Variants in KDM1B observed in about 807,000 individuals in gnomAD.
KDM1B encodes the protein lysine demethylase 1B.
A neutral mutation model predicts 107.4 loss-of-function variants in KDM1B; 63 were observed. The ratio of observed to expected loss-of-function variants is 0.59; its 90% CI spans 0.48 to 0.72. The LOEUF is 0.72. Ranked by LOEUF, KDM1B falls within the 30% of genes least tolerant of loss-of-function variation. The pLI is 0.00. For missense variants in KDM1B, 749 were observed against 1,020.8 expected, an observed-to-expected ratio of 0.73 and a Z score of 3.63; for synonymous variants, 363 against 363.9, an observed-to-expected ratio of 1.00 and a Z score of 0.03.
chr6:18,221,903 T>C lies in KDM1B; in HGVS notation c.2386-6T>C, dbSNP rs754609508. ...TGATCTCAAATTATGTAATTATGTT[T>C]TACAGGCAACAAACAGGCATTTCCC... On this transcript the variant is annotated splice_region_variant and splice_polypyrimidine_tract_variant and intron_variant, in intron 21 of 21. Coordinates refer to ENST00000650836, the MANE Select transcript of KDM1B (RefSeq NM_001364614.2). The C allele has an allele frequency of 5.6e-6, 9 of 1,594,954 alleles. No homozygotes were observed. In the East Asian group the frequency reaches 2.0e-4, roughly 36 times the overall value.
intron 9 of KDM1B, among the ~76,000 whole-genome samples, chr6:18,189,863 A>G (rs1787155732): frequency 6.6e-6 from 1 of 152,152 alleles, no homozygotes; most frequent in Non-Finnish European, 1.5e-5. Context: ...GAGTTATTTT[A>G]GGCCGGGCAC....
intron 7 of KDM1B, among the ~76,000 whole-genome samples, chr6:18,181,360 A>G (rs960598138): frequency 1.3e-5 from 2 of 152,252 alleles, no homozygotes; most frequent in African/African-American, 4.8e-5. Context: ...AATTTAAAAT[A>G]AGAAAAGGAA....
Position 18,223,036 on chromosome 6 carries a change from A to AAAAC in KDM1B, c.*1046_*1049dup, listed in dbSNP as rs943977931. 1 of 152,560 alleles carries AAAAC rather than the reference A, an allele frequency of 6.6e-6. No homozygotes were observed. The highest frequency in any genetic ancestry group is 2.4e-5 in the African/African-American group (1 of 41,426). 9.5% of individuals were successfully genotyped at this position (152,560 alleles called of 1,614,324 possible). On this transcript the variant is annotated 3_prime_UTR_variant, in exon 22 of 22. Transcript: ENST00000650836. Reference sequence around the variant, plus strand: ...AGTATTTACTTTTATCTTTTTTTTAAAAACACTCATGACAGAAAACAGTTT... The same window carrying AAAAC: ...AGTATTTACTTTTATCTTTTTTTTAAAAACAAACACTCATGACAGAAAACAGTTT...
chr6:18,205,898 A>G lies in KDM1B; in HGVS notation c.1659+234A>G, dbSNP rs977648744. ...TCCCAGCTACTCGGGAGGCTGAGGC[A>G]GGGGAATCGCTTGAACCTGGGAGGC... is the stretch of plus-strand genomic sequence containing the variant. On this transcript the variant is annotated intron_variant, in intron 15 of 21. Transcript: ENST00000650836. This position sits in a 1 kb window ranked among gnomAD's most constrained non-coding sequence, Gnocchi z 5.7. Among the ~76,000 whole-genome samples the G allele has an allele frequency of 2.0e-5, 3 of 152,010 alleles. No homozygotes were observed. Among genetic ancestry groups the G allele is most frequent in the Non-Finnish European group, 2.9e-5 (2 of 67,986 alleles).
chr6:18,185,627 A>G (rs609363), intron 7 of KDM1B, 145 bp from the exon 8 acceptor site: 60,687 of 745,840 alleles, frequency 0.081, 3,069 homozygotes, highest in South Asian at 0.2. Flanking sequence ...AGGCCTCCAG[A>G]CACTCTGATT....
chr6:18,171,558 G>T lies in KDM1B; in HGVS notation c.534+79G>T, dbSNP rs1454677249. On this transcript the variant is annotated intron_variant, in intron 7 of 21. Coordinates refer to ENST00000650836, the MANE Select transcript of KDM1B (RefSeq NM_001364614.2). ...TAGTAATGGTGTATATGTTTTTCAT[G>T]TATTGTGTTGATCATTCTGTCAAGG... 7.4e-6 allele frequency: 6 copies of T among 805,574 alleles called. No individual in the cohort carries two copies. The Admixed American group carries it at 1.1e-4, about 15-fold the overall frequency. The allele number at this position is 805,574 out of a possible 1,614,324, so 49.9% of individuals were successfully genotyped here.
chr6:18,161,573 C>T, intron 4 of KDM1B, 119 bp downstream of exon 4: 1 of 1,080,880 alleles, frequency 9.3e-7, no homozygotes, highest in Non-Finnish European at 1.3e-6. Context: ...GTCATCTAAT[C>T]TAATAATAGA....
chr6:18,181,970 C>G (rs74918432), intron 7 of KDM1B, among the ~76,000 whole-genome samples: 4 of 152,054 alleles, frequency 2.6e-5, no homozygotes, highest in African/African-American at 9.7e-5. Context: ...TGTATTCCCT[C>G]CATTGTTTAC....
Position 18,217,415 on chromosome 6 carries a change from G to T in KDM1B, c.2233-318G>T, listed in dbSNP as rs956564700. Among the ~76,000 whole-genome samples the T allele has an allele frequency of 3.6e-5, 5 of 137,904 alleles. No individual in the cohort carries two copies. The East Asian group carries it at 1.0e-3, about 29-fold the overall frequency. 90.5% of individuals were successfully genotyped at this position (137,904 alleles called of 152,430 possible). A position where few individuals can be genotyped will look rare whatever the true frequency, so the allele number is the denominator to read the frequency against. On this transcript the variant is annotated intron_variant, in intron 20 of 21. Transcript: ENST00000650836. ...TTTTTTTGAGATGGAGTCTGGCTCT[G>T]TTGCCCAGGCTGGAGTGCAGTGGCG...
At chr6:18,207,354 C>A (rs961635857) in intron 15 of KDM1B, 44 bp from the exon 16 acceptor site, 1 of 1,601,504 alleles carries the variant, frequency 6.2e-7, no homozygotes, top group Non-Finnish European at 8.5e-7. Flanking sequence ...GGCACAGGCA[C>A]AAGGATTTAC....
chr6:18,166,374 A>G lies in KDM1B; in HGVS notation c.413A>G (p.Tyr138Cys), dbSNP rs1326960062. Residue 138 changes from tyrosine to cysteine, a missense_variant, in exon 6 of 22, where the codon TAC becomes TGC. By Grantham distance (194) the Tyr-to-Cys change is radical. Transcript: ENST00000650836. ...TTCATGGCAGACCAGCAACTCCCCTACTGGGTAAGGAGAGTGATGCTCTCT... is the reference window on the plus strand; with the variant it reads ...TTCATGGCAGACCAGCAACTCCCCTGCTGGGTAAGGAGAGTGATGCTCTCT... ...KAFMADQQLP[Y>C]WVQCTKPECR... 3.2e-6 allele frequency: 5 copies of G among 1,584,958 alleles called. No individual in the cohort carries two copies. The highest frequency in any genetic ancestry group is 4.3e-6 in the Non-Finnish European group (5 of 1,153,388).
rs764376109 is a variant in KDM1B at position 18,203,933 on chromosome 6, G to A, written c.1532-1604G>A. Among the ~76,000 whole-genome samples, 2 of 151,214 alleles carry A rather than the reference G, an allele frequency of 1.3e-5. No individual in the cohort carries two copies. Among genetic ancestry groups the A allele is most frequent in the East Asian group, 1.9e-4 (1 of 5,160 alleles). On this transcript the variant is annotated intron_variant, in intron 14 of 21. Transcript: ENST00000650836. This position sits in a 1 kb window ranked among gnomAD's most constrained non-coding sequence, Gnocchi z 5.5. ...CTTAGCAATCTTGGTTTTTCTCCCC[G>A]CCGCCTCCACAAAACCAACAGGAAT...
At position 18,197,925 on chromosome 6, in the gene KDM1B, CTT is replaced by C. The variant is rs1039217550; in HGVS notation, c.1221+281_1221+282del. Among the ~76,000 whole-genome samples the C allele has an allele frequency of 1.7e-4, 22 of 129,938 alleles. No homozygotes were observed. Among genetic ancestry groups the C allele is most frequent in the Admixed American group, 1.6e-4 (2 of 12,688 alleles). The allele number at this position is 129,938 out of a possible 152,430, so 85.2% of individuals were successfully genotyped here. ...CTAACTTGGCATTAAAGTAGAAATTCTTTTTTTTTTTTTTTTTTGAGACAGAG... is the reference window on the plus strand; with the variant it reads ...CTAACTTGGCATTAAAGTAGAAATTCTTTTTTTTTTTTTTTTGAGACAGAG... On this transcript the variant is annotated intron_variant, in intron 12 of 21. Transcript: ENST00000650836. This position sits in a 1 kb window ranked among gnomAD's most constrained non-coding sequence, Gnocchi z 4.5.
chr6:18,217,991 G>C, intron 21 of KDM1B, 106 bp downstream of exon 21: 1 of 1,232,446 alleles, frequency 8.1e-7, no homozygotes, highest in Non-Finnish European at 1.1e-6. Context: ...ACTGTCAAAA[G>C]TCTTATGACC....
At chr6:18,169,662 G>GT (rs1211812708) in intron 6 of KDM1B, among the ~76,000 whole-genome samples, 1 of 151,994 alleles carries the variant, frequency 6.6e-6, no homozygotes, top group Non-Finnish European at 1.5e-5. Flanking sequence ...CAATTTATCT[G>GT]TTTTTTTCTT....
chr6:18,193,875 T>A (rs1787462154), intron 10 of KDM1B, among the ~76,000 whole-genome samples: 2 of 150,046 alleles, frequency 1.3e-5, no homozygotes, highest in African/African-American at 4.9e-5. Context: ...AAAGACAGTG[T>A]CTTTTTTTTT....
intron 2 of KDM1B, among the ~76,000 whole-genome samples, chr6:18,158,323 CAAAAAA>C (rs56971577): frequency 2.0e-5 from 2 of 99,448 alleles, no homozygotes; most frequent in African/African-American, 7.8e-5. Flanking sequence ...GACTCCTTCA[CAAAAAA>C]AAAAAAAAAA....
intron 21 of KDM1B, among the ~76,000 whole-genome samples, chr6:18,220,600 GC>G (rs1238727327): frequency 6.6e-6 from 1 of 152,064 alleles, no homozygotes; most frequent in African/African-American, 2.4e-5. Context: ...TTACTCCTTG[GC>G]CTATGAAGAC....
chr6:18,163,873 T>C (rs1473110791), intron 5 of KDM1B, among the ~76,000 whole-genome samples: 1 of 152,124 alleles, frequency 6.6e-6, no homozygotes, highest in Non-Finnish European at 1.5e-5. Flanking sequence ...CTGCATGCAG[T>C]GGAGAAAAAT....
Sources: gnomAD v4.1 joint callset for allele counts (sites outside exome capture counted in the v4.1 genomes callset) on GRCh38, gnomAD v4.1.1 for gene constraint, Gnocchi (gnomAD v3.1) non-coding constraint, MANE v1.5 for transcripts, NCBI Gene and HGNC (gene_info 2026-07-23, HGNC 2026-07-21) for gene names.